Variants in SNTG1 observed in about 807,000 individuals in gnomAD.
SNTG1 encodes the protein syntrophin gamma 1.
SNTG1 carries 39 observed loss-of-function variants against 74.7 expected under a neutral mutation model. The ratio of observed to expected loss-of-function variants is 0.52; its 90% CI spans 0.40 to 0.68. SNTG1 has a LOEUF of 0.68. Ranked by LOEUF, SNTG1 falls within the 30% of genes least tolerant of loss-of-function variation. The probability of loss-of-function intolerance (pLI) is 0.00; values close to 1 mark genes in which losing one functional copy is unlikely to be tolerated. For synonymous variants in SNTG1, 254 were observed against 217.1 expected, an observed-to-expected ratio of 1.17 and a Z score of -1.49; for missense variants, 685 against 609.5, an observed-to-expected ratio of 1.12 and a Z score of -1.30.
rs1240603979 is a variant in SNTG1 at position 50,796,344 on chromosome 8, T to C, written c.*3515T>C. Reference sequence around the variant, plus strand: ...TGCTCATAATTTCTCCTTATGAAATTGCTTTATTCATACTTCTAAAATTGT... The same window carrying C: ...TGCTCATAATTTCTCCTTATGAAATCGCTTTATTCATACTTCTAAAATTGT... On this transcript the variant is annotated 3_prime_UTR_variant, in exon 19 of 19. Coordinates refer to ENST00000642720, the MANE Select transcript of SNTG1 (RefSeq NM_018967.5). 6.6e-6 allele frequency: 1 copy of C among 151,996 alleles called. No homozygotes were observed. Among genetic ancestry groups the C allele is most frequent in the African/African-American group, 2.4e-5 (1 of 41,442 alleles). 9.4% of individuals were successfully genotyped at this position (151,996 alleles called of 1,614,324 possible). A position where few individuals can be genotyped will look rare whatever the true frequency, so the allele number is the denominator to read the frequency against.
Position 50,087,385 on chromosome 8 carries a change from C to T in SNTG1, c.-102-85176C>T, listed in dbSNP as rs1359355550. Among the ~76,000 whole-genome samples, 4 of 152,138 alleles carry T rather than the reference C, an allele frequency of 2.6e-5. 1 individual carries two copies. In the East Asian group the frequency reaches 7.7e-4, roughly 29 times the overall value. On this transcript the variant is annotated intron_variant, in intron 1 of 18. Coordinates refer to ENST00000642720, the MANE Select transcript of SNTG1 (RefSeq NM_018967.5). The stretch of plus-strand genomic sequence containing the variant: ...TTCCACAGTTCCAGAGCAGCTGAAA[C>T]TCTTAGTCATGTGGTTTACTATTTT...
intron 5 of SNTG1, among the ~76,000 whole-genome samples, chr8:50,439,730 T>C (rs1270386302): frequency 6.7e-6 from 1 of 149,732 alleles, no homozygotes; most frequent in Non-Finnish European, 1.5e-5. Context: ...TTTTTTTTTT[T>C]TTTTGGCCAG....
At chr8:50,700,634 C>G (rs931100991) in intron 15 of SNTG1, among the ~76,000 whole-genome samples, 4 of 152,154 alleles carry the variant, frequency 2.6e-5, no homozygotes, top group African/African-American at 9.7e-5. Context: ...TTGCATTTGT[C>G]TTTAAGTCCT....
intron 2 of SNTG1, among the ~76,000 whole-genome samples, chr8:50,361,439 G>A (rs1205212670): frequency 2.0e-5 from 3 of 152,132 alleles, no homozygotes; most frequent in Non-Finnish European, 4.4e-5. Context: ...AACAGGTAAA[G>A]CATCATAAGC....
chr8:50,461,998 G>A (rs949861342), intron 8 of SNTG1, among the ~76,000 whole-genome samples: 1 of 152,038 alleles, frequency 6.6e-6, no homozygotes, highest in Non-Finnish European at 1.5e-5. Flanking sequence ...TGATACTGTG[G>A]GGTTGGTTCT....
intron 2 of SNTG1, among the ~76,000 whole-genome samples, chr8:50,333,585 T>C (rs950629145): frequency 1.3e-5 from 2 of 152,250 alleles, no homozygotes; most frequent in African/African-American, 4.8e-5. Context: ...CAGCATTACC[T>C]AGCAGTAGCA....
chr8:50,545,673 T>C (rs1179041141), intron 11 of SNTG1, among the ~76,000 whole-genome samples: 2 of 152,032 alleles, frequency 1.3e-5, no homozygotes, highest in Admixed American at 6.6e-5. Flanking sequence ...TTAAACACTA[T>C]GAAAATCGAT....
In SNTG1 at chr8:50,553,137, A is replaced by G. The variant is rs759008267; in HGVS notation, c.768A>G (p.Leu256=). The G allele has an allele frequency of 6.8e-6, 11 of 1,613,794 alleles. No homozygotes were observed. The highest frequency in any genetic ancestry group is 9.3e-6 in the Non-Finnish European group (11 of 1,179,878). ...CTGCTGAAGACTGCGTTGACTGGCT[A>G]CAAGCAATAGCAACTAACATTTCAA... is the stretch of plus-strand genomic sequence containing the variant. ...CLSAEDCVDW[L]QAIATNISNL... Residue 256 remains leucine (L), a synonymous_variant, in exon 12 of 19, where the codon CTA becomes CTG. Coordinates refer to ENST00000642720, the MANE Select transcript of SNTG1 (RefSeq NM_018967.5).
chr8:50,133,177 T>C (rs2081369531), intron 1 of SNTG1, among the ~76,000 whole-genome samples: 1 of 152,204 alleles, frequency 6.6e-6, no homozygotes, highest in Admixed American at 6.5e-5. Context: ...TTACAAGTTC[T>C]ACTTTTCACT....
chr8:50,446,712 T>C (rs1475845132), intron 5 of SNTG1, among the ~76,000 whole-genome samples: 7 of 152,042 alleles, frequency 4.6e-5, no homozygotes, highest in Non-Finnish European at 1.0e-4. Context: ...CCAAAAACCA[T>C]GTTTGGATTC....
intron 1 of SNTG1, among the ~76,000 whole-genome samples, chr8:49,979,193 T>G (rs1336491772): frequency 6.6e-6 from 1 of 152,192 alleles, no homozygotes; most frequent in Non-Finnish European, 1.5e-5. Context: ...CAGTTCACAA[T>G]GGCGAGACGC....
intron 2 of SNTG1, among the ~76,000 whole-genome samples, chr8:50,360,742 A>G (rs1424941230): frequency 6.6e-6 from 1 of 152,212 alleles, no homozygotes; most frequent in Non-Finnish European, 1.5e-5. Flanking sequence ...GAAAAGGTAC[A>G]GTAAAAGTAT....
intron 1 of SNTG1, among the ~76,000 whole-genome samples, chr8:50,067,959 A>G: frequency 6.6e-6 from 1 of 152,138 alleles, no homozygotes; most frequent in Admixed American, 6.6e-5. Flanking sequence ...AGATTCCTCT[A>G]CGTGTATTTC....
At chr8:50,101,707 C>T (rs1041238213) in intron 1 of SNTG1, among the ~76,000 whole-genome samples, 5 of 152,062 alleles carry the variant, frequency 3.3e-5, no homozygotes, top group East Asian at 1.9e-4. Flanking sequence ...ATCCCTCCCC[C>T]CTCCTCCCAC....
intron 12 of SNTG1, among the ~76,000 whole-genome samples, chr8:50,585,494 A>G (rs1049900682): frequency 2.0e-5 from 3 of 152,210 alleles, no homozygotes; most frequent in African/African-American, 7.2e-5. Context: ...ATAACATAAA[A>G]TTAGCATTGG....
intron 13 of SNTG1, among the ~76,000 whole-genome samples, chr8:50,629,697 T>C (rs537924988): frequency 6.6e-6 from 1 of 152,308 alleles, no homozygotes; most frequent in South Asian, 2.1e-4. Context: ...CTCCTCTTGT[T>C]ACACCTCTGT....
intron 1 of SNTG1, among the ~76,000 whole-genome samples, chr8:49,919,427 A>T (rs16913881): frequency 6.6e-6 from 1 of 152,232 alleles, no homozygotes; most frequent in African/African-American, 2.4e-5. Flanking sequence ...ATAGAAAAGA[A>T]CAACACTTGT....
chr8:50,578,219 A>G (rs986605530), intron 12 of SNTG1, among the ~76,000 whole-genome samples: 7 of 152,202 alleles, frequency 4.6e-5, no homozygotes, highest in Non-Finnish European at 7.3e-5. Context: ...AAGTCACCAG[A>G]CATTCTTTCT....
At chr8:50,548,219 A>G (rs1028011313) in intron 11 of SNTG1, among the ~76,000 whole-genome samples, 2 of 152,328 alleles carry the variant, frequency 1.3e-5, no homozygotes, top group South Asian at 2.1e-4. Flanking sequence ...GAGTGACTGG[A>G]GGTCACAGTG....
Sources: allele counts gnomAD v4.1 joint callset (sites outside exome capture counted in the v4.1 genomes callset), GRCh38; gene constraint gnomAD v4.1.1; transcripts MANE v1.5; gene names NCBI Gene and HGNC (gene_info 2026-07-23, HGNC 2026-07-21).